The following ADGRB3 variants were observed in gnomAD, a reference collection of about 807,000 sequenced individuals.
ADGRB3 encodes the protein adhesion G protein-coupled receptor B3, also known as brain-specific angiogenesis inhibitor 3.
Under a neutral mutation model 193.4 loss-of-function variants are expected in ADGRB3, and 37 were observed. The ratio of observed to expected loss-of-function variants is 0.19; its 90% CI spans 0.15 to 0.25. The LOEUF (loss-of-function observed/expected upper bound fraction) is 0.25, where lower values mean the gene tolerates loss of function less well. Among genes scored for constraint, ADGRB3 ranks in the 10% least tolerant of loss-of-function variants. The pLI is 1.00. For missense variants in ADGRB3, 1,637 were observed against 1,852.9 expected (o/e 0.88, Z 2.14); for synonymous variants, 690 against 644.2 (o/e 1.07, Z -1.08).
chr6:68,940,547 C>CTTTTTTTTTTTTTTTTTTTTTTTTT, intron 5 of ADGRB3, among the ~76,000 whole-genome samples: 1 of 69,216 alleles, frequency 1.4e-5, no homozygotes, highest in African/African-American at 5.7e-5. Flanking sequence ...TGCTTTTGAA[C>CTTTTTTTTTTTTTTTTTTTTTTTTT]TTTTTTTTTT....
chr6:69,214,875 T>C (rs961998853), intron 17 of ADGRB3, among the ~76,000 whole-genome samples: 1 of 151,866 alleles, frequency 6.6e-6, no homozygotes, highest in Admixed American at 6.6e-5. Context: ...AAGTTACAAA[T>C]TGAAAAAGTA....
chr6:69,116,993 A>C (rs1332682131), intron 17 of ADGRB3, among the ~76,000 whole-genome samples: 2 of 152,208 alleles, frequency 1.3e-5, no homozygotes, highest in African/African-American at 4.8e-5. Flanking sequence ...TCAGAAGTTA[A>C]AGCCCTGAAG....
At chr6:69,347,041 T>G (rs1344963253) in intron 26 of ADGRB3, among the ~76,000 whole-genome samples, 1 of 152,180 alleles carries the variant, frequency 6.6e-6, no homozygotes, top group Admixed American at 6.5e-5. Flanking sequence ...AAAAGGATGG[T>G]TTCATTTCCT....
chr6:69,387,876 G>A (rs562903446), intron 31 of ADGRB3, among the ~76,000 whole-genome samples: 12 of 151,984 alleles, frequency 7.9e-5, no homozygotes, highest in Admixed American at 3.3e-4. Flanking sequence ...GCTTACACTC[G>A]ACAACTATAA....
At chr6:69,263,686 TG>T (rs533320021) in intron 20 of ADGRB3, among the ~76,000 whole-genome samples, 3 of 152,144 alleles carry the variant, frequency 2.0e-5, no homozygotes, top group Non-Finnish European at 4.4e-5. Flanking sequence ...TGGATTAATT[TG>T]GGGAGGCTTC....
At chr6:68,949,368 C>A (rs991617651) in intron 6 of ADGRB3, among the ~76,000 whole-genome samples, 1 of 151,788 alleles carries the variant, frequency 6.6e-6, no homozygotes, top group African/African-American at 2.4e-5. Flanking sequence ...TTGCAGATTC[C>A]AGATATATTT....
At chr6:68,774,288 T>A (rs2127357951) in intron 3 of ADGRB3, among the ~76,000 whole-genome samples, 1 of 151,906 alleles carries the variant, frequency 6.6e-6, no homozygotes, top group East Asian at 1.9e-4. Context: ...CAGGAAAAAA[T>A]TTGATTAAAT....
chr6:69,006,584 T>G (rs566454208), intron 11 of ADGRB3, among the ~76,000 whole-genome samples: 102 of 151,752 alleles, frequency 6.7e-4, no homozygotes, highest in Non-Finnish European at 1.1e-3. Flanking sequence ...TGGCTCACTG[T>G]AACCTATGCT....
intron 20 of ADGRB3, among the ~76,000 whole-genome samples, chr6:69,313,226 A>G (rs544174774): frequency 1.4e-4 from 21 of 152,000 alleles, no homozygotes; most frequent in Admixed American, 1.3e-3. Flanking sequence ...CTCAGGGAAT[A>G]GCACTAATAG....
chr6:69,293,839 G>A (rs553724340), intron 20 of ADGRB3, among the ~76,000 whole-genome samples: 30 of 152,196 alleles, frequency 2.0e-4, no homozygotes, highest in African/African-American at 7.2e-4. Context: ...TGGGGGGATG[G>A]GATCTGGGTG....
intron 18 of ADGRB3, among the ~76,000 whole-genome samples, chr6:69,234,068 T>C (rs1033366890): frequency 6.6e-6 from 1 of 152,180 alleles, no homozygotes; most frequent in Non-Finnish European, 1.5e-5. Flanking sequence ...GAATGAATGC[T>C]GAACAATTAT....
intron 17 of ADGRB3, among the ~76,000 whole-genome samples, chr6:69,182,197 T>C (rs1056154430): frequency 3.9e-5 from 6 of 151,984 alleles, no homozygotes; most frequent in Admixed American, 1.3e-4. Context: ...GATGCAAAAA[T>C]CATAAGTAAA....
chr6:69,352,035 C>T (rs143753964), intron 26 of ADGRB3, among the ~76,000 whole-genome samples: 7 of 152,272 alleles, frequency 4.6e-5, no homozygotes, highest in African/African-American at 1.4e-4. Context: ...TAATAGTTGC[C>T]TTGAGGTGCA....
At chr6:69,342,301 T>A (rs1256282097) in intron 26 of ADGRB3, among the ~76,000 whole-genome samples, 1 of 152,144 alleles carries the variant, frequency 6.6e-6, no homozygotes, top group Non-Finnish European at 1.5e-5. Context: ...CAGCAGAGTG[T>A]CATAACACTC....
chr6:68,780,850 A>G (rs1562026608), intron 3 of ADGRB3, among the ~76,000 whole-genome samples: 1 of 152,288 alleles, frequency 6.6e-6, no homozygotes, highest in East Asian at 1.9e-4. Flanking sequence ...GTACACATCT[A>G]TTAACTACAG....
At chr6:68,728,385 T>A (rs1582152856) in intron 3 of ADGRB3, among the ~76,000 whole-genome samples, 1 of 150,060 alleles carries the variant, frequency 6.7e-6, no homozygotes, top group East Asian at 2.0e-4. Context: ...AAAACTCTTA[T>A]CTCCCAGCCT....
intron 20 of ADGRB3, among the ~76,000 whole-genome samples, chr6:69,288,550 C>T (rs774326479): frequency 6.6e-6 from 1 of 152,130 alleles, no homozygotes; most frequent in Non-Finnish European, 1.5e-5. Context: ...TTATTGCTTA[C>T]CATTCTCCAG....
At chr6:68,884,155 T>G (rs74701007) in intron 3 of ADGRB3, among the ~76,000 whole-genome samples, 1,563 of 152,288 alleles carry the variant, frequency 0.01, 26 homozygotes, top group African/African-American at 0.036. Flanking sequence ...TAAATCGACT[T>G]ACTTTTAGAT....
In ADGRB3 at chr6:68,939,315, C is replaced by T. The variant is rs111751075; in HGVS notation, c.1030+2635C>T. Among the ~76,000 whole-genome samples the T allele has an allele frequency of 8.1e-3, 1,227 of 152,164 alleles. 12 individuals carry two copies. Among genetic ancestry groups the T allele is most frequent in the African/African-American group, 0.025 (1,056 of 41,514 alleles). On this transcript the variant is annotated intron_variant, in intron 5 of 31. Coordinates refer to ENST00000370598, the MANE Select transcript of ADGRB3 (RefSeq NM_001704.3). ...TTGAGCAGTAGAATATAAATAACTCCCACATGCTTAGTGTTCCAATAATGG... is the reference window on the plus strand; with the variant it reads ...TTGAGCAGTAGAATATAAATAACTCTCACATGCTTAGTGTTCCAATAATGG...
Sources: gnomAD v4.1 joint callset for allele counts (sites outside exome capture counted in the v4.1 genomes callset) on GRCh38, gnomAD v4.1.1 for gene constraint, MANE v1.5 for transcripts, NCBI Gene and HGNC (gene_info 2026-07-23, HGNC 2026-07-21) for gene names.